The following USP15 variants were observed in gnomAD, a reference collection of about 807,000 sequenced individuals.
The protein encoded by USP15 is ubiquitin specific peptidase 15, also known as ubiquitin carboxyl-terminal hydrolase 15.
USP15 carries 18 observed loss-of-function variants against 127.1 expected under a neutral mutation model. That is an observed-to-expected ratio of 0.14 (90% CI 0.10 to 0.21). USP15 has a LOEUF of 0.21. Ranked by LOEUF, USP15 falls within the 10% of genes least tolerant of loss-of-function variation. The probability of loss-of-function intolerance (pLI) is 1.00; values close to 1 mark genes in which losing one functional copy is unlikely to be tolerated. For synonymous variants in USP15, 364 were observed against 393.7 expected (o/e 0.92, Z 0.89); for missense variants, 805 against 1,159.9 (o/e 0.69, Z 4.44).
At chr12:62,285,588 C>CA (rs2063763483) in intron 1 of USP15, among the ~76,000 whole-genome samples, 1 of 152,062 alleles carries the variant, frequency 6.6e-6, no homozygotes, top group South Asian at 2.1e-4. Context: ...CATGGTGCTG[C>CA]AAAAAACATG....
intron 5 of USP15, among the ~76,000 whole-genome samples, chr12:62,324,794 T>C (rs1219945858): frequency 6.6e-6 from 1 of 152,028 alleles, no homozygotes; most frequent in African/African-American, 2.4e-5. Flanking sequence ...CATTTTATTG[T>C]TACATATACT....
At chr12:62,381,391 G>C in intron 8 of USP15, 99 bp from the exon 9 acceptor site, 1 of 1,063,128 alleles carries the variant, frequency 9.4e-7, no homozygotes, top group African/African-American at 1.6e-5. Context: ...TGTTCTCTGT[G>C]TTATAGCAAA....
At chr12:62,293,400 A>C (rs976409487) in intron 1 of USP15, among the ~76,000 whole-genome samples, 2 of 152,156 alleles carry the variant, frequency 1.3e-5, no homozygotes, top group Non-Finnish European at 2.9e-5. Flanking sequence ...TCTGTCGCCC[A>C]GGCTGGACTG....
chr12:62,397,970 T>C (rs963496548), intron 20 of USP15, among the ~76,000 whole-genome samples: 17 of 149,330 alleles, frequency 1.1e-4, no homozygotes, highest in Non-Finnish European at 2.2e-4. Flanking sequence ...TTATACTTTA[T>C]ATTATTATTA....
intron 20 of USP15, among the ~76,000 whole-genome samples, chr12:62,398,860 G>A (rs1287217355): frequency 6.6e-6 from 1 of 152,126 alleles, no homozygotes; most frequent in African/African-American, 2.4e-5. Flanking sequence ...AATTTGTCAG[G>A]ACTCCTACTA....
intron 1 of USP15, among the ~76,000 whole-genome samples, chr12:62,285,920 C>G (rs2063772959): frequency 6.6e-6 from 1 of 152,110 alleles, no homozygotes; most frequent in Non-Finnish European, 1.5e-5. Context: ...CATTCCTTTT[C>G]TTCTGCATCC....
chr12:62,283,979 C>CA (rs1266811603), intron 1 of USP15, among the ~76,000 whole-genome samples: 2 of 152,014 alleles, frequency 1.3e-5, no homozygotes, highest in African/African-American at 4.8e-5. Context: ...TATGCATCAA[C>CA]TACAAGCAGT....
At chr12:62,332,049 A>G (rs976944514) in intron 6 of USP15, among the ~76,000 whole-genome samples, 15 of 152,132 alleles carry the variant, frequency 9.9e-5, no homozygotes, top group African/African-American at 3.4e-4. Context: ...CTGTAGTCCC[A>G]GCTACTCGGG....
At position 62,276,780 on chromosome 12, in the gene USP15, C is replaced by T. The variant is rs1027927888; in HGVS notation, c.89+16277C>T. Among the ~76,000 whole-genome samples the T allele has an allele frequency of 1.9e-4, 29 of 151,712 alleles. 1 individual carries two copies. The highest frequency in any genetic ancestry group is 1.5e-5 in the Non-Finnish European group (1 of 67,902). On this transcript the variant is annotated intron_variant, in intron 1 of 21. Transcript: ENST00000280377. The stretch of plus-strand genomic sequence containing the variant: ...GTAAATTTTTAATTAAAATCTAATG[C>T]AAATTCACCTGTTTAGAAAAAGTAC...
At chr12:62,288,041 C>A (rs1356842301) in intron 1 of USP15, among the ~76,000 whole-genome samples, 1 of 152,052 alleles carries the variant, frequency 6.6e-6, no homozygotes, top group Non-Finnish European at 1.5e-5. Context: ...CAGCTTTGTT[C>A]TTTTTGCTTA....
intron 11 of USP15, among the ~76,000 whole-genome samples, chr12:62,386,950 T>C (rs1329060949): frequency 1.3e-5 from 2 of 152,146 alleles, no homozygotes; most frequent in East Asian, 3.9e-4. Flanking sequence ...AGTGAAAATG[T>C]GTAAGTATAT....
chr12:62,276,337 T>C (rs1200545125), intron 1 of USP15, among the ~76,000 whole-genome samples: 1 of 152,138 alleles, frequency 6.6e-6, no homozygotes, highest in Non-Finnish European at 1.5e-5. Context: ...ACAATTTAAT[T>C]ACTACTCTGG....
rs148198362 is a variant in USP15, at chr12:62,365,132, C to T, written c.915+9657C>T. On this transcript the variant is annotated intron_variant, in intron 8 of 21. Coordinates refer to ENST00000280377, the MANE Select transcript of USP15 (RefSeq NM_001252078.2). ...GTTCTAGATCCTTGAGGAATTGCCA[C>T]ACTGTCTTCCACAGTGGTTGAACTA... is the stretch of plus-strand genomic sequence containing the variant. 3.7e-3 allele frequency among the ~76,000 whole-genome samples: 562 copies of T among 152,304 alleles called. 5 individuals are homozygous for T. The highest frequency in any genetic ancestry group is 0.013 in the African/African-American group (529 of 41,568).
chr12:62,268,862 T>A (rs142799942), intron 1 of USP15, among the ~76,000 whole-genome samples: 1 of 152,252 alleles, frequency 6.6e-6, no homozygotes, highest in East Asian at 1.9e-4. Context: ...AATTTTGGAA[T>A]CCAAAAAGGA....
rs1361746069 is a variant in USP15, at chr12:62,381,640, T to C, written c.1066T>C (p.Tyr356His). ...IKQMWSGKFS[Y>H]VTPRAFKTQV... ...GCAAATGTGGTCTGGAAAGTTTAGC[T>C]ACGTCACCCCAAGAGCCTTTAAGGT... The change falls in exon 9 of 22, where the codon TAC (tyrosine) becomes CAC (histidine). Residue 356 changes from tyrosine to histidine, a missense_variant. Tyr to His is a moderately conservative substitution (Grantham distance 83, BLOSUM62 2). Coordinates refer to ENST00000280377, the MANE Select transcript of USP15 (RefSeq NM_001252078.2). 6.2e-7 allele frequency: 1 copy of C among 1,612,110 alleles called. No homozygotes were observed. Among genetic ancestry groups the C allele is most frequent in the Non-Finnish European group, 8.5e-7 (1 of 1,178,772 alleles).
intron 8 of USP15, among the ~76,000 whole-genome samples, chr12:62,371,582 A>G (rs535647463): frequency 4.6e-5 from 7 of 152,282 alleles, no homozygotes; most frequent in Admixed American, 1.3e-4. Flanking sequence ...TGTTTTTTAT[A>G]TGAGTGTTTT....
At chr12:62,347,786 G>A (rs951851262) in intron 6 of USP15, among the ~76,000 whole-genome samples, 1 of 151,700 alleles carries the variant, frequency 6.6e-6, no homozygotes, top group Non-Finnish European at 1.5e-5. Flanking sequence ...CTATCAGAAG[G>A]GTACGTAACT....
chr12:62,404,202 G>A lies in USP15; in HGVS notation c.2773G>A (p.Ala925Thr), dbSNP rs147893233. 12 of 1,611,838 alleles carry A rather than the reference G, an allele frequency of 7.4e-6. No homozygotes were observed. The African/African-American group carries it at 1.5e-4, about 20-fold the overall frequency. The change falls in exon 22 of 22, where the codon GCA becomes ACA. Residue 925 changes from alanine to threonine, a missense_variant. Transcript: ENST00000280377. ...ASEDQIVSKA[A>T]YVLFYQRQDT... ...TCCTTTGTTTTGACAGTCCAAAGCA[G>A]CATATGTACTCTTCTACCAGAGACA...
At chr12:62,321,428 A>ATAC in intron 4 of USP15, 36 bp from the exon 5 acceptor site, 1 of 1,362,168 alleles carries the variant, frequency 7.3e-7, no homozygotes, top group Non-Finnish European at 9.9e-7. Context: ...TTTGAAATAC[A>ATAC]TACTATATTT....
Sources: allele counts gnomAD v4.1 joint callset (sites outside exome capture counted in the v4.1 genomes callset), GRCh38; gene constraint gnomAD v4.1.1; transcripts MANE v1.5; gene names NCBI Gene and HGNC (gene_info 2026-07-23, HGNC 2026-07-21).